MAGI2: variants seen among roughly 807,000 people sequenced by gnomAD.
The protein encoded by MAGI2 is membrane-associated guanylate kinase, WW and PDZ domain-containing protein 2.
MAGI2 carries 35 observed loss-of-function variants against 133.3 expected under a neutral mutation model. That is an observed-to-expected ratio of 0.26 (90% CI 0.20 to 0.35). The LOEUF (loss-of-function observed/expected upper bound fraction) is 0.35, where lower values mean the gene tolerates loss of function less well. Ranked by LOEUF, MAGI2 falls within the 10% of genes least tolerant of loss-of-function variation. The pLI is 1.00. For missense variants in MAGI2, 1,636 were observed against 1,863.4 expected, an observed-to-expected ratio of 0.88 and a Z score of 2.25; for synonymous variants, 729 against 710.6, an observed-to-expected ratio of 1.03 and a Z score of -0.41.
chr7:78,619,164 T>A (rs757978680), intron 3 of MAGI2, among the ~76,000 whole-genome samples: 2 of 151,836 alleles, frequency 1.3e-5, no homozygotes, highest in Non-Finnish European at 2.9e-5. Flanking sequence ...TACGCAATTA[T>A]TATGGGTCCA....
intron 9 of MAGI2, among the ~76,000 whole-genome samples, chr7:78,290,017 C>G (rs544867435): frequency 6.6e-6 from 1 of 152,174 alleles, no homozygotes; most frequent in Admixed American, 6.5e-5. Flanking sequence ...ATTGTAAAGA[C>G]CATTGACACT....
intron 1 of MAGI2, among the ~76,000 whole-genome samples, chr7:79,052,132 G>A (rs78994058): frequency 6.6e-6 from 1 of 152,170 alleles, no homozygotes; most frequent in Non-Finnish European, 1.5e-5. Context: ...AAGACACACA[G>A]AGAAACAGCA....
chr7:78,250,768 G>A (rs1489801579), intron 10 of MAGI2, among the ~76,000 whole-genome samples: 1 of 151,934 alleles, frequency 6.6e-6, no homozygotes. Flanking sequence ...ACAAATAAAA[G>A]CTCAGACTAG....
At chr7:79,302,965 T>G (rs2129559852) in intron 1 of MAGI2, among the ~76,000 whole-genome samples, 1 of 152,344 alleles carries the variant, frequency 6.6e-6, no homozygotes, top group South Asian at 2.1e-4. Context: ...CCATTTTAAT[T>G]ACACATGAGT....
intron 1 of MAGI2, among the ~76,000 whole-genome samples, chr7:79,290,973 C>T (rs1436928412): frequency 2.0e-5 from 3 of 151,986 alleles, no homozygotes; most frequent in South Asian, 4.1e-4. Context: ...AATTCAGTGG[C>T]TTTTAGTTAG....
chr7:78,137,425 T>C (rs563490211), intron 16 of MAGI2, among the ~76,000 whole-genome samples: 2 of 152,352 alleles, frequency 1.3e-5, no homozygotes, highest in Non-Finnish European at 2.9e-5. Context: ...AACTGATCTA[T>C]AAGTATTAAC....
chr7:78,587,071 T>C (rs895280122), intron 3 of MAGI2, among the ~76,000 whole-genome samples: 1 of 152,236 alleles, frequency 6.6e-6, no homozygotes, highest in Admixed American at 6.5e-5. Context: ...AAAATCCTGC[T>C]TTCAATTTTT....
intron 6 of MAGI2, among the ~76,000 whole-genome samples, chr7:78,460,338 T>C (rs1789833952): frequency 6.6e-6 from 1 of 152,232 alleles, no homozygotes; most frequent in Non-Finnish European, 1.5e-5. Flanking sequence ...AAAAGAATTC[T>C]ACATTTAACT....
At chr7:79,095,884 T>G (rs1422317320) in intron 1 of MAGI2, among the ~76,000 whole-genome samples, 1 of 152,102 alleles carries the variant, frequency 6.6e-6, no homozygotes, top group African/African-American at 2.4e-5. Context: ...GCACTAATAA[T>G]TTTGCTCAAG....
intron 1 of MAGI2, among the ~76,000 whole-genome samples, chr7:79,394,711 T>C (rs1477041238): frequency 6.6e-6 from 1 of 152,242 alleles, no homozygotes; most frequent in African/African-American, 2.4e-5. Flanking sequence ...ATGTTGTTCC[T>C]GTTGAAATAG....
In MAGI2 at chr7:78,923,801, C is replaced by T. The variant is rs371129828; in HGVS notation, c.418+83289G>A. ...ACCTTGGGCAGTATGGCCATTTTCA[C>T]GATATTGATTCTTCCTACCCATGAC... On this transcript the variant is annotated intron_variant, in intron 2 of 21. Transcript: ENST00000354212. Among the ~76,000 whole-genome samples the T allele has an allele frequency of 2.4e-3, 369 of 152,050 alleles. 3 individuals are homozygous for T. The highest frequency in any genetic ancestry group is 0.017 in the Middle Eastern group (5 of 294).
intron 6 of MAGI2, chr7:78,487,419 G>T (rs1308018077): frequency 2.6e-5 from 4 of 154,946 alleles, no homozygotes; most frequent in Non-Finnish European, 4.3e-5. Context: ...GAAAAAGAAA[G>T]TATACAACAC....
intron 2 of MAGI2, among the ~76,000 whole-genome samples, chr7:78,646,259 A>G (rs1032754323): frequency 7.9e-5 from 12 of 152,172 alleles, no homozygotes; most frequent in African/African-American, 2.7e-4. Context: ...GAATACACTC[A>G]GTTGTTATAT....
chr7:79,299,303 T>A (rs529600832), intron 1 of MAGI2, among the ~76,000 whole-genome samples: 1 of 151,974 alleles, frequency 6.6e-6, no homozygotes, highest in African/African-American at 2.4e-5. Flanking sequence ...AAGAAGATGA[T>A]GTAACTGGAA....
At chr7:79,317,584 A>T (rs966499318) in intron 1 of MAGI2, among the ~76,000 whole-genome samples, 1 of 152,232 alleles carries the variant, frequency 6.6e-6, no homozygotes, top group Non-Finnish European at 1.5e-5. Context: ...TAATCGATAT[A>T]AAAATTTCAA....
At chr7:78,295,764 A>AC (rs1292337673) in intron 9 of MAGI2, among the ~76,000 whole-genome samples, 1 of 152,168 alleles carries the variant, frequency 6.6e-6, no homozygotes, top group African/African-American at 2.4e-5. Flanking sequence ...ATCTCCAGGC[A>AC]CAGTGTCTCC....
intron 2 of MAGI2, among the ~76,000 whole-genome samples, chr7:78,865,588 C>G (rs1794490628): frequency 6.6e-6 from 1 of 152,078 alleles, no homozygotes; most frequent in Non-Finnish European, 1.5e-5. Flanking sequence ...AGAAATTAAA[C>G]ACAAAGTTTC....
chr7:79,086,871 T>A (rs1159828155), intron 1 of MAGI2, among the ~76,000 whole-genome samples: 1 of 151,834 alleles, frequency 6.6e-6, no homozygotes, highest in Non-Finnish European at 1.5e-5. Flanking sequence ...AGGGGAAGGG[T>A]GTGGGAATTT....
At chr7:78,030,437 A>G (rs1391345672) in intron 21 of MAGI2, among the ~76,000 whole-genome samples, 1 of 152,090 alleles carries the variant, frequency 6.6e-6, no homozygotes, top group Non-Finnish European at 1.5e-5. Flanking sequence ...TTGTATTTTT[A>G]GTAGAGACGG....
Sources: gnomAD v4.1 joint callset for allele counts (sites outside exome capture counted in the v4.1 genomes callset) on GRCh38, gnomAD v4.1.1 for gene constraint, MANE v1.5 for transcripts, NCBI Gene and HGNC (gene_info 2026-07-23, HGNC 2026-07-21) for gene names.